Variants in HIKESHI observed in about 807,000 individuals in gnomAD.
The protein encoded by HIKESHI is protein Hikeshi.
HIKESHI carries 13 observed loss-of-function variants against 25.7 expected under a neutral mutation model. The observed-to-expected ratio is 0.51, with a 90% confidence interval of 0.33 to 0.80. HIKESHI has a LOEUF of 0.80. HIKESHI is among the 30% of genes least tolerant of loss of function. The pLI is 0.02. For missense variants in HIKESHI, 174 were observed against 229.5 expected (o/e 0.76, Z 1.56); for synonymous variants, 76 against 78.7 (o/e 0.97, Z 0.18).
intron 2 of HIKESHI, among the ~76,000 whole-genome samples, chr11:86,328,058 C>T (rs1446194953): frequency 2.0e-5 from 3 of 152,116 alleles, no homozygotes; most frequent in Non-Finnish European, 4.4e-5. Flanking sequence ...TAACAGAAAG[C>T]CATGAAATAT....
At chr11:86,334,602 T>C (rs1480388800) in intron 2 of HIKESHI, among the ~76,000 whole-genome samples, 1 of 152,222 alleles carries the variant, frequency 6.6e-6, no homozygotes, top group East Asian at 1.9e-4. Context: ...TTGATAATGA[T>C]ATGTTTTCTG....
chr11:86,316,991 A>C (rs1478744697), intron 2 of HIKESHI, among the ~76,000 whole-genome samples: 1 of 151,388 alleles, frequency 6.6e-6, no homozygotes, highest in Non-Finnish European at 1.5e-5. Context: ...GCAGGGTTCC[A>C]CCTTGTTAGC....
At chr11:86,330,992 A>G (rs1440572227) in intron 2 of HIKESHI, among the ~76,000 whole-genome samples, 2 of 152,334 alleles carry the variant, frequency 1.3e-5, no homozygotes, top group East Asian at 3.9e-4. Context: ...CTGGTTGTAT[A>G]ATCTTAACCA....
chr11:86,327,076 A>C (rs879457007), intron 2 of HIKESHI, among the ~76,000 whole-genome samples: 1 of 152,160 alleles, frequency 6.6e-6, no homozygotes, highest in Admixed American at 6.5e-5. Flanking sequence ...CCAAACCAAA[A>C]CAAAACAAAA....
intron 2 of HIKESHI, among the ~76,000 whole-genome samples, chr11:86,322,206 C>T (rs1274448862): frequency 6.6e-6 from 1 of 152,056 alleles, no homozygotes; most frequent in Admixed American, 6.6e-5. Flanking sequence ...AGGCTGATCT[C>T]GAACTCCTGA....
chr11:86,308,857 A>G (rs1263555686), intron 2 of HIKESHI, among the ~76,000 whole-genome samples: 5 of 151,918 alleles, frequency 3.3e-5, no homozygotes, highest in Non-Finnish European at 7.4e-5. Flanking sequence ...GCTCAGAATG[A>G]TGGTTTCCAG....
chr11:86,304,731 A>T (rs1946576758), intron 1 of HIKESHI, among the ~76,000 whole-genome samples: 1 of 152,050 alleles, frequency 6.6e-6, no homozygotes, highest in African/African-American at 2.4e-5. Context: ...GGCCAGGCTG[A>T]TCTGGAACTC....
At chr11:86,304,761 C>T (rs571888066) in intron 1 of HIKESHI, among the ~76,000 whole-genome samples, 1 of 152,152 alleles carries the variant, frequency 6.6e-6, no homozygotes, top group African/African-American at 2.4e-5. Flanking sequence ...GGTGATCAAC[C>T]CGCCTTGGCC....
At chr11:86,329,615 G>T (rs1947371217) in intron 2 of HIKESHI, among the ~76,000 whole-genome samples, 1 of 149,932 alleles carries the variant, frequency 6.7e-6, no homozygotes, top group Non-Finnish European at 1.5e-5. Flanking sequence ...TATTGTCTAG[G>T]CCTTCAAACA....
intron 2 of HIKESHI, 82 bp from the exon 3 acceptor site, chr11:86,337,297 G>A: frequency 7.5e-7 from 1 of 1,325,760 alleles, no homozygotes; most frequent in South Asian, 1.5e-5. Flanking sequence ...ATATAAATTA[G>A]AGGTTCTTTA....
At chr11:86,336,446 T>G (rs971192390) in intron 2 of HIKESHI, among the ~76,000 whole-genome samples, 8 of 152,108 alleles carry the variant, frequency 5.3e-5, no homozygotes, top group African/African-American at 1.9e-4. Context: ...ATGAATGGGA[T>G]TACCACTCTT....
At chr11:86,308,960 A>G (rs1275290271) in intron 2 of HIKESHI, among the ~76,000 whole-genome samples, 1 of 152,066 alleles carries the variant, frequency 6.6e-6, no homozygotes, top group Non-Finnish European at 1.5e-5. Context: ...TTCTTAATCC[A>G]GTCTATCATT....
intron 2 of HIKESHI, among the ~76,000 whole-genome samples, chr11:86,331,086 A>G (rs1307379163): frequency 6.6e-6 from 1 of 152,090 alleles, no homozygotes; most frequent in Non-Finnish European, 1.5e-5. Flanking sequence ...CTTTTTAGGG[A>G]TAATGTACAC....
rs60951435 is a variant in HIKESHI, at chr11:86,334,236, ATGTGTGTGTGTGTGTG to A, written c.269-3121_269-3106del. On this transcript the variant is annotated intron_variant, in intron 2 of 4. Transcript: ENST00000278483. The stretch of plus-strand genomic sequence containing the variant: ...TTCTTCTCAACATTCTTTGTAAAAT[ATGTGTGTGTGTGTGTG>A]TGTGTGTGTGTGTGTGTGTGTAAAG... 2.6e-3 allele frequency among the ~76,000 whole-genome samples: 387 copies of A among 147,114 alleles called. 1 individual carries two copies. The highest frequency in any genetic ancestry group is 8.9e-3 in the African/African-American group (361 of 40,392).
At chr11:86,337,170 A>AT (rs1038236412) in intron 2 of HIKESHI, among the ~76,000 whole-genome samples, 5 of 152,080 alleles carry the variant, frequency 3.3e-5, no homozygotes, top group African/African-American at 1.2e-4. Context: ...TGTGACAGCT[A>AT]TTTTTCTGGT....
chr11:86,322,012 A>G (rs1466240364), intron 2 of HIKESHI, among the ~76,000 whole-genome samples: 3 of 151,864 alleles, frequency 2.0e-5, no homozygotes, highest in Non-Finnish European at 4.4e-5. Context: ...TTTTGAGACC[A>G]AGTCTCACTC....
At chr11:86,305,331 A>G (rs1593798609) in intron 1 of HIKESHI, among the ~76,000 whole-genome samples, 1 of 152,056 alleles carries the variant, frequency 6.6e-6, no homozygotes, top group East Asian at 1.9e-4. Flanking sequence ...GTGAGAGCTT[A>G]GGTGATGTGT....
intron 2 of HIKESHI, chr11:86,326,691 G>GT (rs11419370): frequency 1.3e-5 from 5 of 375,030 alleles, no homozygotes; most frequent in South Asian, 4.0e-5. Flanking sequence ...GATTTGGATG[G>GT]GATGGAAGTG....
At chr11:86,343,396 A>T (rs1947786744) in intron 3 of HIKESHI, 1 of 151,236 alleles carries the variant, frequency 6.6e-6, no homozygotes, top group Admixed American at 6.6e-5. Context: ...GCACTTTGGG[A>T]GGCTGAGGTG....
Sources: gnomAD v4.1 joint callset for allele counts (sites outside exome capture counted in the v4.1 genomes callset) on GRCh38, gnomAD v4.1.1 for gene constraint, MANE v1.5 for transcripts, NCBI Gene and HGNC (gene_info 2026-07-23, HGNC 2026-07-21) for gene names.